Variants in NELL1 observed in about 807,000 individuals in gnomAD.
NELL1 encodes neural EGFL like 1.
In NELL1, 76 loss-of-function variants were observed where a neutral mutation model predicts 107.4. The observed-to-expected ratio is 0.71, with a 90% CI of 0.59 to 0.86. The LOEUF is 0.86. NELL1 is among the 40% of genes least tolerant of loss of function. The probability of loss-of-function intolerance (pLI) is 0.00; values close to 1 mark genes in which losing one functional copy is unlikely to be tolerated. For synonymous variants in NELL1, 353 were observed against 341.2 expected (o/e 1.03, Z -0.38); for missense variants, 1,024 against 1,005.5 (o/e 1.02, Z -0.25).
chr11:21,083,115 G>A (rs1195488164), intron 12 of NELL1, among the ~76,000 whole-genome samples: 1 of 152,232 alleles, frequency 6.6e-6, no homozygotes, highest in Non-Finnish European at 1.5e-5. Context: ...CTGAAGTAGA[G>A]AGAAAGGAGC....
chr11:21,403,578 G>T (rs1277589092), intron 15 of NELL1, among the ~76,000 whole-genome samples: 2 of 145,718 alleles, frequency 1.4e-5, no homozygotes, highest in Admixed American at 1.4e-4. Flanking sequence ...GGTTCTTCTA[G>T]TGAATATAAA....
intron 13 of NELL1, among the ~76,000 whole-genome samples, chr11:21,116,093 C>T (rs1244505019): frequency 6.6e-6 from 1 of 152,030 alleles, no homozygotes; most frequent in East Asian, 1.9e-4. Flanking sequence ...TCCATACTCA[C>T]CATTCTGCAG....
At chr11:21,401,384 G>A (rs75703103) in intron 15 of NELL1, among the ~76,000 whole-genome samples, 9,316 of 151,826 alleles carry the variant, frequency 0.061, 393 homozygotes, top group Middle Eastern at 0.11. Flanking sequence ...ATATGAAATG[G>A]CATTTTTCTC....
At chr11:20,768,406 C>A (rs1170559240) in intron 2 of NELL1, among the ~76,000 whole-genome samples, 1 of 152,214 alleles carries the variant, frequency 6.6e-6, no homozygotes, top group Non-Finnish European at 1.5e-5. Flanking sequence ...GGCCAGAGAG[C>A]ATAGCCAGGG....
intron 14 of NELL1, among the ~76,000 whole-genome samples, chr11:21,230,380 G>A (rs1434942003): frequency 6.6e-6 from 1 of 152,130 alleles, no homozygotes; most frequent in East Asian, 1.9e-4. Context: ...GTGAACACTT[G>A]ATCTTCTCCC....
chr11:21,110,007 T>G (rs995989092), intron 12 of NELL1, among the ~76,000 whole-genome samples: 1 of 152,104 alleles, frequency 6.6e-6, no homozygotes, highest in Admixed American at 6.6e-5. Flanking sequence ...TTTCTTTCTT[T>G]TATCTTCTTG....
intron 3 of NELL1, among the ~76,000 whole-genome samples, chr11:20,800,103 C>T (rs773110779): frequency 1.3e-5 from 2 of 152,124 alleles, no homozygotes; most frequent in Admixed American, 6.5e-5. Context: ...TTATCCAATC[C>T]ACCATTGATG....
intron 11 of NELL1, among the ~76,000 whole-genome samples, chr11:20,952,850 T>C (rs1373394399): frequency 1.3e-5 from 2 of 152,168 alleles, no homozygotes; most frequent in Non-Finnish European, 2.9e-5. Flanking sequence ...GGAAGACCCT[T>C]AAATGTTGAC....
At chr11:21,115,082 C>T (rs1048678633) in intron 13 of NELL1, among the ~76,000 whole-genome samples, 5 of 151,934 alleles carry the variant, frequency 3.3e-5, no homozygotes, top group African/African-American at 1.2e-4. Context: ...CGGATTTCCT[C>T]ACTGAGAAAG....
intron 13 of NELL1, among the ~76,000 whole-genome samples, chr11:21,146,440 G>C (rs957920286): frequency 3.9e-5 from 6 of 152,164 alleles, no homozygotes; most frequent in African/African-American, 1.4e-4. Flanking sequence ...CGGGGTCATG[G>C]AGCTGAGGAG....
At chr11:21,433,024 C>T (rs1376100897) in intron 15 of NELL1, among the ~76,000 whole-genome samples, 1 of 152,144 alleles carries the variant, frequency 6.6e-6, no homozygotes, top group Non-Finnish European at 1.5e-5. Flanking sequence ...TCCCTCTTCC[C>T]TTTCCCAGCC....
chr11:21,480,730 A>G lies in NELL1; in HGVS notation c.1646-53644A>G, dbSNP rs527751322. Reference sequence around the variant, plus strand: ...TGCTCATTAGTAAGTAGATGTGCCTAACCAGTTGTGCCAGAGAGGGGCAAA... The same window carrying G: ...TGCTCATTAGTAAGTAGATGTGCCTGACCAGTTGTGCCAGAGAGGGGCAAA... On this transcript the variant is annotated intron_variant, in intron 15 of 19. Transcript: ENST00000357134. Among the ~76,000 whole-genome samples the G allele has an allele frequency of 7.2e-5, 11 of 152,310 alleles. No homozygotes were observed. In the South Asian group the frequency reaches 2.3e-3, roughly 32 times the overall value.
intron 13 of NELL1, among the ~76,000 whole-genome samples, chr11:21,121,055 G>T (rs1197259171): frequency 6.6e-6 from 1 of 152,130 alleles, no homozygotes; most frequent in Non-Finnish European, 1.5e-5. Context: ...TATCCCCAGA[G>T]ATTTTGATTT....
At chr11:20,682,587 GTATAATTATAT>G (rs1854215503) in intron 2 of NELL1, among the ~76,000 whole-genome samples, 1 of 151,812 alleles carries the variant, frequency 6.6e-6, no homozygotes, top group Non-Finnish European at 1.5e-5. Context: ...GTTTATTGAG[GTATAATTATAT>G]TATAATAAAC....
At chr11:21,310,326 G>A (rs1353705635) in intron 14 of NELL1, among the ~76,000 whole-genome samples, 2 of 151,918 alleles carry the variant, frequency 1.3e-5, no homozygotes, top group Non-Finnish European at 2.9e-5. Context: ...GATAATTACG[G>A]TATTACCTTG....
chr11:21,458,815 A>T (rs193289165), intron 15 of NELL1, among the ~76,000 whole-genome samples: 17 of 152,210 alleles, frequency 1.1e-4, no homozygotes, highest in African/African-American at 4.1e-4. Flanking sequence ...GAAGAAATGG[A>T]AGGATATTTG....
intron 15 of NELL1, among the ~76,000 whole-genome samples, chr11:21,424,918 A>T (rs1852782316): frequency 6.6e-6 from 1 of 152,226 alleles, no homozygotes; most frequent in African/African-American, 2.4e-5. Flanking sequence ...AAGAAGGGAT[A>T]ACTTCTTAAC....
intron 4 of NELL1, among the ~76,000 whole-genome samples, chr11:20,851,607 G>A (rs1848796983): frequency 6.6e-6 from 1 of 152,102 alleles, no homozygotes; most frequent in Non-Finnish European, 1.5e-5. Flanking sequence ...ACCAACATCT[G>A]GGATTCAGTG....
At chr11:21,447,235 G>A (rs1347052660) in intron 15 of NELL1, among the ~76,000 whole-genome samples, 1 of 152,132 alleles carries the variant, frequency 6.6e-6, no homozygotes, top group Non-Finnish European at 1.5e-5. Context: ...ACTGGAATTG[G>A]GGAACCCTAG....
Sources: allele counts gnomAD v4.1 joint callset (sites outside exome capture counted in the v4.1 genomes callset), GRCh38; gene constraint gnomAD v4.1.1; transcripts MANE v1.5; gene names NCBI Gene and HGNC (gene_info 2026-07-23, HGNC 2026-07-21).